SLIT2: variants seen among roughly 807,000 people sequenced by gnomAD.
The protein encoded by SLIT2 is slit guidance ligand 2.
Under a neutral mutation model 185.7 loss-of-function variants are expected in SLIT2, and 41 were observed. The ratio of observed to expected loss-of-function variants is 0.22; its 90% CI spans 0.17 to 0.29. SLIT2 has a LOEUF of 0.29. SLIT2 is among the 10% of genes least tolerant of loss of function. SLIT2 has a pLI of 1.00. For synonymous variants in SLIT2, 693 were observed against 680.2 expected (o/e 1.02, Z -0.29); for missense variants, 1,571 against 1,909.0 (o/e 0.82, Z 3.30).
chr4:20,314,422 A>T (rs2109143505), intron 4 of SLIT2, among the ~76,000 whole-genome samples: 1 of 152,314 alleles, frequency 6.6e-6, no homozygotes, highest in African/African-American at 2.4e-5. Flanking sequence ...GAGTAAATGT[A>T]TCTGTAGCTA....
intron 4 of SLIT2, among the ~76,000 whole-genome samples, chr4:20,464,208 T>A (rs1714091731): frequency 6.6e-6 from 1 of 152,190 alleles, no homozygotes; most frequent in African/African-American, 2.4e-5. Flanking sequence ...TATAAGTCTT[T>A]ATCTAGTCTT....
Position 20,528,421 on chromosome 4 carries a change from C to T in SLIT2, c.1463-528C>T, listed in dbSNP as rs182426189. On this transcript the variant is annotated intron_variant, in intron 15 of 36. Coordinates refer to ENST00000504154, the MANE Select transcript of SLIT2 (RefSeq NM_004787.4). The surrounding 1 kb of genome is among the most constrained non-coding windows in gnomAD (Gnocchi z 4.2). ...TGCTGAGGCTTAAATCAGGATTTTC[C>T]TGTCTCTTTCTACAAAATCAAAATG... The T allele has an allele frequency of 1.2e-5, 6 of 505,354 alleles. No individual in the cohort carries two copies. The East Asian group carries it at 2.8e-4, about 24-fold the overall frequency. 31.3% of individuals were successfully genotyped at this position (505,354 alleles called of 1,614,324 possible).
chr4:20,405,191 C>T (rs554066156), intron 4 of SLIT2, among the ~76,000 whole-genome samples: 3 of 150,670 alleles, frequency 2.0e-5, no homozygotes, highest in Admixed American at 6.6e-5. Context: ...CACTACACTG[C>T]CTATTATATA....
chr4:20,409,723 G>A (rs1172910414), intron 4 of SLIT2, among the ~76,000 whole-genome samples: 1 of 151,954 alleles, frequency 6.6e-6, no homozygotes, highest in Admixed American at 6.6e-5. Context: ...CCACAACCTC[G>A]CCAGCACCTG....
chr4:20,454,062 G>A (rs975164737), intron 4 of SLIT2, among the ~76,000 whole-genome samples: 2 of 152,148 alleles, frequency 1.3e-5, no homozygotes, highest in African/African-American at 2.4e-5. Context: ...TCATAACTGT[G>A]CTTCCCCTTT....
At chr4:20,601,508 A>T (rs1728409484) in intron 33 of SLIT2, among the ~76,000 whole-genome samples, 1 of 152,146 alleles carries the variant, frequency 6.6e-6, no homozygotes, top group African/African-American at 2.4e-5. Flanking sequence ...TCCTTCTTTC[A>T]TTGAAAGGCA....
At chr4:20,300,958 A>G (rs1716985564) in intron 4 of SLIT2, among the ~76,000 whole-genome samples, 1 of 152,120 alleles carries the variant, frequency 6.6e-6, no homozygotes, top group South Asian at 2.1e-4. Context: ...TTTAAAAAGT[A>G]ATCTCATTAG....
intron 4 of SLIT2, among the ~76,000 whole-genome samples, chr4:20,404,596 G>A (rs1453797220): frequency 6.6e-6 from 1 of 151,982 alleles, no homozygotes; most frequent in South Asian, 2.1e-4. Context: ...CCTGGTGCAA[G>A]GTGTGTGCTC....
At chr4:20,398,980 A>G (rs1726145777) in intron 4 of SLIT2, among the ~76,000 whole-genome samples, 1 of 151,732 alleles carries the variant, frequency 6.6e-6, no homozygotes, top group African/African-American at 2.4e-5. Context: ...CATTGAATTC[A>G]AAATACAGAA....
chr4:20,548,265 A>T (rs1577904369), intron 22 of SLIT2, among the ~76,000 whole-genome samples: 1 of 152,106 alleles, frequency 6.6e-6, no homozygotes, highest in East Asian at 1.9e-4. Flanking sequence ...AAAGCAATGC[A>T]TATATATATA....
Position 20,528,267 on chromosome 4 carries a change from T to G in SLIT2, c.1463-682T>G, listed in dbSNP as rs1257795406. 1 of 534,608 alleles carries G rather than the reference T, an allele frequency of 1.9e-6. No homozygotes were observed. The highest frequency in any genetic ancestry group is 1.4e-5 in the South Asian group (1 of 71,550). 33.1% of individuals were successfully genotyped at this position (534,608 alleles called of 1,614,324 possible). On this transcript the variant is annotated intron_variant, in intron 15 of 36. Coordinates refer to ENST00000504154, the MANE Select transcript of SLIT2 (RefSeq NM_004787.4). The surrounding 1 kb of genome is among the most constrained non-coding windows in gnomAD (Gnocchi z 4.2). The stretch of plus-strand genomic sequence containing the variant: ...CTTGGTCTTACCTTTGGCCTAGTGG[T>G]TGGTGTAGTGATAATGTAGCGAGAT...
chr4:20,427,854 C>A (rs547460669), intron 4 of SLIT2, among the ~76,000 whole-genome samples: 1 of 152,190 alleles, frequency 6.6e-6, no homozygotes, highest in African/African-American at 2.4e-5. Flanking sequence ...ATCAGTTGTT[C>A]TCTATGCTTT....
At chr4:20,543,601 G>A (rs528232109) in intron 21 of SLIT2, among the ~76,000 whole-genome samples, 10 of 152,312 alleles carry the variant, frequency 6.6e-5, no homozygotes, top group African/African-American at 2.2e-4. Context: ...CAAATGAGCA[G>A]GTTTGACAAA....
intron 4 of SLIT2, among the ~76,000 whole-genome samples, chr4:20,329,839 A>G (rs1013846192): frequency 1.3e-5 from 2 of 152,028 alleles, no homozygotes; most frequent in East Asian, 3.9e-4. Context: ...TCACCAGTTG[A>G]TGATAGTTTT....
chr4:20,515,294 A>G (rs753122529), intron 11 of SLIT2, among the ~76,000 whole-genome samples: 11 of 152,208 alleles, frequency 7.2e-5, no homozygotes, highest in Non-Finnish European at 1.2e-4. Flanking sequence ...ATCTCTTGAT[A>G]GAAAGCAATT....
At position 20,475,190 on chromosome 4, in the gene SLIT2, A is replaced by G. The variant is rs149801512; in HGVS notation, c.468-5526A>G. Among the ~76,000 whole-genome samples the G allele has an allele frequency of 3.1e-3, 469 of 152,158 alleles. 4 individuals are homozygous for G. The highest frequency in any genetic ancestry group is 0.011 in the African/African-American group (453 of 41,522). ...AATGGCCTCTCTGTTGCAGATATTC[A>G]CTGTGAACATTGTAGTGCCTCTGCT... On this transcript the variant is annotated intron_variant, in intron 5 of 36. Coordinates refer to ENST00000504154, the MANE Select transcript of SLIT2 (RefSeq NM_004787.4).
At chr4:20,325,929 C>G (rs1719547375) in intron 4 of SLIT2, among the ~76,000 whole-genome samples, 1 of 151,994 alleles carries the variant, frequency 6.6e-6, no homozygotes, top group Non-Finnish European at 1.5e-5. Context: ...AAGAAATATA[C>G]TTTATTTAGC....
chr4:20,450,446 T>G lies in SLIT2; in HGVS notation c.396-17306T>G, dbSNP rs995357100. On this transcript the variant is annotated intron_variant, in intron 4 of 36. Transcript: ENST00000504154. ...TTCCACATGCATTTCCAATGGTATA[T>G]AACTTTAATATCAGAAAAAGTCAAT... Among the ~76,000 whole-genome samples the G allele has an allele frequency of 3.3e-5, 5 of 152,202 alleles. No individual in the cohort carries two copies. In the South Asian group the frequency reaches 1.0e-3, roughly 31 times the overall value.
At chr4:20,344,844 A>C (rs1219458139) in intron 4 of SLIT2, among the ~76,000 whole-genome samples, 1 of 151,922 alleles carries the variant, frequency 6.6e-6, no homozygotes, top group Non-Finnish European at 1.5e-5. Flanking sequence ...TCTTTCTGTT[A>C]TTTTTTCTGC....
Sources: allele counts gnomAD v4.1 joint callset (sites outside exome capture counted in the v4.1 genomes callset), GRCh38; gene constraint gnomAD v4.1.1; non-coding constraint Gnocchi (gnomAD v3.1); transcripts MANE v1.5; gene names NCBI Gene and HGNC (gene_info 2026-07-23, HGNC 2026-07-21).